Variants in PCDH7 observed in about 807,000 individuals in gnomAD.
PCDH7 encodes the protein protocadherin 7, also known as protocadherin-7.
In PCDH7, 17 loss-of-function variants were observed where a neutral mutation model predicts 58.9. The observed-to-expected ratio is 0.29, with a 90% confidence interval of 0.20 to 0.43. PCDH7 has a LOEUF of 0.43. Among genes scored for constraint, PCDH7 ranks in the 20% least tolerant of loss-of-function variants. PCDH7 has a pLI of 1.00. For missense variants in PCDH7, 1,274 were observed against 1,441.0 expected (o/e 0.88, Z 1.88); for synonymous variants, 664 against 616.4 (o/e 1.08, Z -1.14).
chr4:30,939,092 T>G (rs1203672605), intron 2 of PCDH7, among the ~76,000 whole-genome samples: 4 of 152,134 alleles, frequency 2.6e-5, no homozygotes, highest in Non-Finnish European at 4.4e-5. Context: ...AGGGATATTG[T>G]TTTTTAATGC....
intron 3 of PCDH7, among the ~76,000 whole-genome samples, chr4:31,012,280 A>G (rs1017007288): frequency 1.2e-4 from 18 of 152,156 alleles, no homozygotes; most frequent in Non-Finnish European, 2.9e-5. Context: ...ACTTCCTTTC[A>G]AGGTTATATA....
intron 3 of PCDH7, among the ~76,000 whole-genome samples, chr4:31,105,733 C>T (rs187247935): frequency 1.3e-5 from 2 of 151,994 alleles, no homozygotes; most frequent in African/African-American, 2.4e-5. Context: ...TTTGGCCAGG[C>T]GCAGTGGCTC....
At chr4:31,038,679 C>T (rs1370670773) in intron 3 of PCDH7, among the ~76,000 whole-genome samples, 1 of 152,038 alleles carries the variant, frequency 6.6e-6, no homozygotes, top group Non-Finnish European at 1.5e-5. Flanking sequence ...GGGATTAGTC[C>T]ATGCTGATGT....
At chr4:30,816,517 C>A (rs995099094) in intron 1 of PCDH7, among the ~76,000 whole-genome samples, 8 of 151,262 alleles carry the variant, frequency 5.3e-5, no homozygotes, top group African/African-American at 1.9e-4. Context: ...TGCTGTAATT[C>A]TTATAAAATA....
chr4:30,967,585 A>G (rs911683570), intron 3 of PCDH7, among the ~76,000 whole-genome samples: 2 of 152,144 alleles, frequency 1.3e-5, no homozygotes, highest in African/African-American at 2.4e-5. Flanking sequence ...CTTATTAGGA[A>G]AAGCACTGGG....
chr4:30,850,198 T>C (rs1429782971), intron 1 of PCDH7, among the ~76,000 whole-genome samples: 1 of 152,162 alleles, frequency 6.6e-6, no homozygotes, highest in Non-Finnish European at 1.5e-5. Context: ...TCTTGATATA[T>C]GTACATATTA....
chr4:31,126,766 A>C (rs866347652), intron 3 of PCDH7, among the ~76,000 whole-genome samples: 1 of 152,212 alleles, frequency 6.6e-6, no homozygotes, highest in East Asian at 1.9e-4. Flanking sequence ...TGGTTAATAT[A>C]GTTCACATAA....
chr4:30,996,215 C>T (rs749426158), intron 3 of PCDH7, among the ~76,000 whole-genome samples: 2 of 152,124 alleles, frequency 1.3e-5, no homozygotes, highest in African/African-American at 2.4e-5. Context: ...CACATGCTGA[C>T]TATCTCACCC....
chr4:31,048,389 ATT>A (rs1415470202), intron 3 of PCDH7, among the ~76,000 whole-genome samples: 1 of 151,894 alleles, frequency 6.6e-6, no homozygotes, highest in Non-Finnish European at 1.5e-5. Context: ...TTCAATAAAG[ATT>A]ACATCCCACT....
intron 3 of PCDH7, among the ~76,000 whole-genome samples, chr4:31,123,360 G>C (rs1184533745): frequency 1.3e-5 from 2 of 152,168 alleles, no homozygotes; most frequent in East Asian, 3.9e-4. Flanking sequence ...TAGAATAGTA[G>C]TTAAAGCAAT....
chr4:30,874,059 G>A (rs907498545), intron 1 of PCDH7, among the ~76,000 whole-genome samples: 2 of 152,066 alleles, frequency 1.3e-5, no homozygotes, highest in African/African-American at 4.8e-5. Context: ...GTGCTGGAGA[G>A]GATGTGGAGA....
At chr4:30,953,644 A>T (rs1033716230) in intron 3 of PCDH7, among the ~76,000 whole-genome samples, 1 of 152,060 alleles carries the variant, frequency 6.6e-6, no homozygotes, top group Non-Finnish European at 1.5e-5. Flanking sequence ...TTTGTATAGG[A>T]TGCAGTATAT....
intron 1 of PCDH7, among the ~76,000 whole-genome samples, chr4:30,779,012 T>TTG (rs1218350888): frequency 1.4e-5 from 2 of 141,552 alleles, no homozygotes; most frequent in East Asian, 2.0e-4. Flanking sequence ...CGTTTTTTTT[T>TTG]TTTTTTTTTT....
At chr4:30,884,239 A>AT (rs1737381547) in intron 1 of PCDH7, among the ~76,000 whole-genome samples, 1 of 152,096 alleles carries the variant, frequency 6.6e-6, no homozygotes, top group Non-Finnish European at 1.5e-5. Context: ...TGTGGTAGGC[A>AT]TTTTTGGCAC....
intron 1 of PCDH7, among the ~76,000 whole-genome samples, chr4:30,865,288 C>T (rs1281325390): frequency 6.6e-6 from 1 of 152,016 alleles, no homozygotes; most frequent in Non-Finnish European, 1.5e-5. Context: ...GAACATTTGT[C>T]ATGCTTAAGA....
rs141530332 is a variant in PCDH7 at position 30,978,383 on chromosome 4, A to G, written c.*7+28168A>G. Among the ~76,000 whole-genome samples the G allele has an allele frequency of 1.7e-3, 257 of 152,328 alleles. 3 individuals are homozygous for G. Among genetic ancestry groups the G allele is most frequent in the African/African-American group, 5.9e-3 (246 of 41,566 alleles). On this transcript the variant is annotated intron_variant, in intron 3 of 3. Transcript: ENST00000509759. ...TCCACACTGAAATTCCACTTTAAGA[A>G]TTATTTAAACCCTCAAACAGGAGAA...
At chr4:30,994,284 G>A (rs976512366) in intron 3 of PCDH7, among the ~76,000 whole-genome samples, 1 of 152,116 alleles carries the variant, frequency 6.6e-6, no homozygotes, top group African/African-American at 2.4e-5. Context: ...CATTGGAAAG[G>A]ATGCCCTGAA....
chr4:30,827,450 T>C (rs1215630025), intron 1 of PCDH7, among the ~76,000 whole-genome samples: 2 of 152,174 alleles, frequency 1.3e-5, no homozygotes, highest in Non-Finnish European at 2.9e-5. Flanking sequence ...CACATGACTT[T>C]CAGTGCATGT....
At chr4:30,969,229 A>G (rs1749324788) in intron 3 of PCDH7, among the ~76,000 whole-genome samples, 1 of 152,064 alleles carries the variant, frequency 6.6e-6, no homozygotes, top group African/African-American at 2.4e-5. Flanking sequence ...TTTGAATGTC[A>G]CCCCTATACA....
Sources: gnomAD v4.1 joint callset for allele counts (sites outside exome capture counted in the v4.1 genomes callset) on GRCh38, gnomAD v4.1.1 for gene constraint, MANE v1.5 for transcripts, NCBI Gene and HGNC (gene_info 2026-07-23, HGNC 2026-07-21) for gene names.